Variants in CTBP2 observed in about 807,000 individuals in gnomAD.
CTBP2 encodes C-terminal binding protein 2, also known as C-terminal-binding protein 2.
CTBP2 carries 30 observed loss-of-function variants against 80.3 expected under a neutral mutation model. That is an observed-to-expected ratio of 0.37 (90% confidence interval 0.28 to 0.51). CTBP2 has a LOEUF of 0.51. Among genes scored for constraint, CTBP2 ranks in the 20% least tolerant of loss-of-function variants. The pLI is 0.93. For synonymous variants in CTBP2, 594 were observed against 587.4 expected (o/e 1.01, Z -0.16); for missense variants, 1,212 against 1,375.3 (o/e 0.88, Z 1.88).
intron 3 of CTBP2, chr10:124,999,404 A>G (rs1954116888): frequency 1.3e-5 from 2 of 152,284 alleles, no homozygotes; most frequent in East Asian, 3.8e-4. Flanking sequence ...GGGGACGGCA[A>G]TCACCAAGGC....
chr10:125,082,113 T>G (rs1457076675), intron 2 of CTBP2, among the ~76,000 whole-genome samples: 1 of 145,450 alleles, frequency 6.9e-6, no homozygotes, highest in African/African-American at 2.6e-5. Flanking sequence ...TCACAAAGCT[T>G]GGCGTGCCCT....
chr10:125,092,338 G>A (rs1212909775), intron 2 of CTBP2, among the ~76,000 whole-genome samples: 2 of 151,832 alleles, frequency 1.3e-5, no homozygotes, highest in African/African-American at 4.8e-5. Context: ...CTGCAGTCAC[G>A]TGCCATCACA....
chr10:125,020,734 G>A (rs144420649), intron 1 of CTBP2, among the ~76,000 whole-genome samples: 93 of 152,242 alleles, frequency 6.1e-4, no homozygotes, highest in African/African-American at 1.8e-3. Context: ...AGCCTGTTAC[G>A]CACAAGGCCT....
At chr10:124,997,881 G>A in intron 4 of CTBP2, 83 bp downstream of exon 6, 1 of 1,428,758 alleles carries the variant, frequency 7.0e-7, no homozygotes, top group Non-Finnish European at 9.6e-7. Flanking sequence ...AGAGCAGGCT[G>A]GGGTTGCCTT....
intron 1 of CTBP2, among the ~76,000 whole-genome samples, chr10:125,118,073 A>G (rs1359396972): frequency 2.6e-5 from 4 of 152,270 alleles, no homozygotes; most frequent in Non-Finnish European, 5.9e-5. Context: ...TTCCAATAGA[A>G]GGCCAACCAG....
chr10:125,159,541 G>A (rs889638890), intron 1 of CTBP2, among the ~76,000 whole-genome samples: 3 of 149,514 alleles, frequency 2.0e-5, no homozygotes, highest in African/African-American at 4.9e-5. Context: ...GCCCGGAGGA[G>A]CCAACAATGC....
intron 2 of CTBP2, among the ~76,000 whole-genome samples, chr10:125,094,465 C>T (rs1032142593): frequency 2.0e-5 from 3 of 152,208 alleles, no homozygotes; most frequent in Admixed American, 6.5e-5. Context: ...GTGGGGGTTA[C>T]GCACCTCAGG....
intron 1 of CTBP2, among the ~76,000 whole-genome samples, chr10:125,021,316 G>A: frequency 6.6e-6 from 1 of 152,154 alleles, no homozygotes; most frequent in East Asian, 1.9e-4. Flanking sequence ...TGACAGACAT[G>A]GAAATAGAAG....
At chr10:125,061,394 G>A (rs532238764) in intron 2 of CTBP2, among the ~76,000 whole-genome samples, 13 of 152,164 alleles carry the variant, frequency 8.5e-5, no homozygotes, top group South Asian at 4.2e-4. Flanking sequence ...ACTGGCAGCC[G>A]CCCTGCTCCA....
intron 2 of CTBP2, among the ~76,000 whole-genome samples, chr10:125,074,052 A>G (rs1185202827): frequency 1.3e-5 from 2 of 152,112 alleles, no homozygotes; most frequent in African/African-American, 4.8e-5. Flanking sequence ...TAGGCTTAAC[A>G]ATTATTTGTG....
chr10:124,986,297 A>ACC lies in CTBP2; in HGVS notation c.*3220_*3221insGG, dbSNP rs1952040678. ...CACACGCACGCGCGCGCGCGCACAC[A>ACC]CACACACACACACACACACACACAC... On this transcript the variant is annotated 3_prime_UTR_variant, in exon 9 of 9. Coordinates refer to ENST00000309035, the MANE Select transcript of CTBP2 (RefSeq NM_022802.3). 1 of 85,476 alleles carries ACC rather than the reference A, an allele frequency of 1.2e-5. No individual in the cohort carries two copies. Among genetic ancestry groups the ACC allele is most frequent in the East Asian group, 3.3e-4 (1 of 2,988 alleles). The allele number at this position is 85,476 out of a possible 1,614,324, so 5.3% of individuals were successfully genotyped here. A position where few individuals can be genotyped will look rare whatever the true frequency, so the allele number is the denominator to read the frequency against.
chr10:125,091,285 AC>A (rs1454118892), intron 2 of CTBP2, among the ~76,000 whole-genome samples: 3 of 152,198 alleles, frequency 2.0e-5, no homozygotes, highest in African/African-American at 7.2e-5. Context: ...GTAAGCCAAC[AC>A]AGACACCCTC....
intron 3 of CTBP2, among the ~76,000 whole-genome samples, chr10:125,036,210 G>C (rs76135095): frequency 2.0e-5 from 3 of 152,080 alleles, no homozygotes; most frequent in Non-Finnish European, 4.4e-5. Context: ...AAAGAGGAAG[G>C]GGCTGGACAG....
chr10:124,995,801 GCT>G (rs372465915), intron 4 of CTBP2, among the ~76,000 whole-genome samples: 2 of 152,176 alleles, frequency 1.3e-5, no homozygotes, highest in African/African-American at 4.8e-5. Flanking sequence ...GTGAGAGATG[GCT>G]CTCTGACGCA....
chr10:125,076,792 G>A (rs1221334271), intron 2 of CTBP2, among the ~76,000 whole-genome samples: 2 of 152,208 alleles, frequency 1.3e-5, no homozygotes, highest in African/African-American at 2.4e-5. Context: ...GAGATGGCTC[G>A]TTCCTTGTGC....
chr10:125,061,930 A>G, intron 2 of CTBP2, among the ~76,000 whole-genome samples: 1 of 152,190 alleles, frequency 6.6e-6, no homozygotes, highest in Admixed American at 6.5e-5. Context: ...TCCTCATCTA[A>G]AATGACTAAA....
At chr10:125,005,983 G>T (rs960762704) in intron 1 of CTBP2, 1 of 1,455,086 alleles carries the variant, frequency 6.9e-7, no homozygotes, top group Non-Finnish European at 9.0e-7. Flanking sequence ...AGCCGCTGAT[G>T]CGTCTGGGGA....
intron 8 of CTBP2, among the ~76,000 whole-genome samples, chr10:124,990,107 C>G (rs2134058581): frequency 6.7e-6 from 1 of 149,804 alleles, no homozygotes; most frequent in East Asian, 2.0e-4. Context: ...GTGGCGTGAG[C>G]AATCTCAGCC....
intron 2 of CTBP2, among the ~76,000 whole-genome samples, chr10:125,071,384 C>T (rs776391291): frequency 6.6e-6 from 1 of 152,218 alleles, no homozygotes; most frequent in Non-Finnish European, 1.5e-5. Flanking sequence ...CTGTGTGCTC[C>T]TGATGGAGGA....
Sources: allele counts gnomAD v4.1 joint callset (sites outside exome capture counted in the v4.1 genomes callset), GRCh38; gene constraint gnomAD v4.1.1; transcripts MANE v1.5; gene names NCBI Gene and HGNC (gene_info 2026-07-23, HGNC 2026-07-21).